WWOX: variants seen among roughly 807,000 people sequenced by gnomAD.
WWOX encodes WW domain-containing oxidoreductase.
WWOX carries 69 observed loss-of-function variants against 46.2 expected under a neutral mutation model. The observed-to-expected ratio is 1.49, with a 90% CI of 1.23 to 1.82. The LOEUF (loss-of-function observed/expected upper bound fraction) is 1.82. Among genes scored for constraint, WWOX ranks in the 40% most tolerant of loss-of-function variants. The pLI, the probability that WWOX is intolerant of heterozygous loss-of-function variation, is 0.00. For synonymous variants in WWOX, 359 were observed against 202.6 expected, an observed-to-expected ratio of 1.77 and a Z score of -6.56; for missense variants, 919 against 542.6, an observed-to-expected ratio of 1.69 and a Z score of -6.89.
At chr16:78,729,332 A>G (rs1010882493) in intron 8 of WWOX, among the ~76,000 whole-genome samples, 18 of 149,294 alleles carry the variant, frequency 1.2e-4, no homozygotes, top group African/African-American at 4.4e-4. Context: ...GCAGAGCAAG[A>G]CCCTGCCTCA....
At chr16:78,192,021 G>A (rs1244970812) in intron 5 of WWOX, among the ~76,000 whole-genome samples, 1 of 152,100 alleles carries the variant, frequency 6.6e-6, no homozygotes, top group Admixed American at 6.5e-5. Flanking sequence ...TTCTAGGCAA[G>A]TTAGTTAGCC....
At chr16:78,500,183 G>C (rs746765098) in intron 8 of WWOX, among the ~76,000 whole-genome samples, 1 of 152,078 alleles carries the variant, frequency 6.6e-6, no homozygotes, top group Admixed American at 6.6e-5. Context: ...CCAGTCCTAC[G>C]GTCAATGCAG....
intron 8 of WWOX, among the ~76,000 whole-genome samples, chr16:78,930,437 C>G (rs553662923): frequency 1.2e-3 from 174 of 148,428 alleles, no homozygotes; most frequent in African/African-American, 3.9e-3. Context: ...ACCACCACAC[C>G]CAGCTAGCTA....
intron 8 of WWOX, among the ~76,000 whole-genome samples, chr16:79,037,256 G>C (rs572344099): frequency 6.6e-6 from 1 of 152,160 alleles, no homozygotes; most frequent in Non-Finnish European, 1.5e-5. Context: ...TCCTGCTCCT[G>C]ACTCTGGGGG....
At chr16:79,149,151 T>C (rs1162621553) in intron 8 of WWOX, among the ~76,000 whole-genome samples, 3 of 152,178 alleles carry the variant, frequency 2.0e-5, no homozygotes, top group Non-Finnish European at 2.9e-5. Context: ...ACCACTAAAT[T>C]TGATGCTAGC....
chr16:78,624,643 G>A (rs556532080), intron 8 of WWOX, among the ~76,000 whole-genome samples: 1 of 152,252 alleles, frequency 6.6e-6, no homozygotes, highest in Admixed American at 6.5e-5. Context: ...AAGCTGAGAT[G>A]CTGAGAAGGG....
At chr16:79,209,079 T>G (rs555993894) in intron 8 of WWOX, among the ~76,000 whole-genome samples, 2 of 152,328 alleles carry the variant, frequency 1.3e-5, no homozygotes, top group Admixed American at 1.3e-4. Context: ...TGTGATGGAA[T>G]TTAGATGGTA....
chr16:78,608,769 G>A (rs765465609), intron 8 of WWOX, among the ~76,000 whole-genome samples: 4 of 152,188 alleles, frequency 2.6e-5, no homozygotes, highest in Non-Finnish European at 4.4e-5. Context: ...TAAAGCCGGG[G>A]TCGCCTGCCC....
chr16:78,099,749 TA>T lies in WWOX; in HGVS notation c.-29del. The T allele has an allele frequency of 6.6e-7, 1 of 1,521,788 alleles. No homozygotes were observed. Among genetic ancestry groups the T allele is most frequent in the Non-Finnish European group, 8.8e-7 (1 of 1,135,148 alleles). 94.3% of individuals were successfully genotyped at this position (1,521,788 alleles called of 1,614,324 possible). On this transcript the variant is annotated 5_prime_UTR_variant, in exon 1 of 9. In the 5' UTR this introduces an upstream ATG that the reference lacks. Coordinates refer to ENST00000566780, the MANE Select transcript of WWOX (RefSeq NM_016373.4). ...AGCGAGTGGACCCGGCAGCGGGCGATAGGGGGGCCAGGTGCCTCCACAGTCA... is the reference window on the plus strand; with the variant it reads ...AGCGAGTGGACCCGGCAGCGGGCGATGGGGGGCCAGGTGCCTCCACAGTCA...
chr16:78,229,171 A>T (rs2037164678), intron 5 of WWOX, among the ~76,000 whole-genome samples: 1 of 151,948 alleles, frequency 6.6e-6, no homozygotes, highest in East Asian at 1.9e-4. Flanking sequence ...TGAATTTTCC[A>T]TTGCAAAGAT....
chr16:78,689,903 C>T (rs564855493), intron 8 of WWOX, among the ~76,000 whole-genome samples: 18 of 152,178 alleles, frequency 1.2e-4, no homozygotes, highest in Admixed American at 2.0e-4. Flanking sequence ...CTCTGTTGCC[C>T]AGGCTGCAGT....
intron 8 of WWOX, among the ~76,000 whole-genome samples, chr16:78,508,557 A>G (rs1400462639): frequency 6.6e-6 from 1 of 152,190 alleles, no homozygotes; most frequent in Admixed American, 6.5e-5. Flanking sequence ...CCCAGTCCCT[A>G]TTCTTAGGTT....
At chr16:78,395,870 G>C (rs888119616) in intron 6 of WWOX, among the ~76,000 whole-genome samples, 2 of 152,128 alleles carry the variant, frequency 1.3e-5, no homozygotes, top group African/African-American at 4.8e-5. Flanking sequence ...TAAATGCTTA[G>C]ATTCCATTTT....
At chr16:78,733,778 T>C (rs1567523477) in intron 8 of WWOX, among the ~76,000 whole-genome samples, 2 of 149,544 alleles carry the variant, frequency 1.3e-5, no homozygotes, top group African/African-American at 4.9e-5. Context: ...ATAAAATAAC[T>C]AACTAGGCTA....
At chr16:78,813,290 T>C (rs1293814145) in intron 8 of WWOX, among the ~76,000 whole-genome samples, 2 of 152,170 alleles carry the variant, frequency 1.3e-5, no homozygotes, top group Non-Finnish European at 2.9e-5. Flanking sequence ...ATTTCCTTTT[T>C]TTCCCTCCTA....
intron 8 of WWOX, among the ~76,000 whole-genome samples, chr16:78,508,159 C>G (rs1205556539): frequency 6.6e-6 from 1 of 152,014 alleles, no homozygotes; most frequent in African/African-American, 2.4e-5. Context: ...CAGGTGCCCA[C>G]CACCAAGCTT....
intron 8 of WWOX, among the ~76,000 whole-genome samples, chr16:79,136,130 C>T (rs976931677): frequency 4.6e-5 from 7 of 152,074 alleles, no homozygotes; most frequent in Non-Finnish European, 7.3e-5. Context: ...AGTCAACGTC[C>T]AACTGCCAAT....
At chr16:78,925,499 G>A (rs150659274) in intron 8 of WWOX, among the ~76,000 whole-genome samples, 128 of 152,238 alleles carry the variant, frequency 8.4e-4, no homozygotes, top group African/African-American at 2.7e-3. Flanking sequence ...AGTTCCCAGC[G>A]TCTTAACCAG....
chr16:79,049,681 C>T (rs186511506), intron 8 of WWOX, among the ~76,000 whole-genome samples: 16 of 152,048 alleles, frequency 1.1e-4, no homozygotes, highest in African/African-American at 3.9e-4. Flanking sequence ...ACTAAAAATA[C>T]AAAAATTAGC....
Sources: gnomAD v4.1 joint callset for allele counts (sites outside exome capture counted in the v4.1 genomes callset) on GRCh38, gnomAD v4.1.1 for gene constraint, MANE v1.5 for transcripts, NCBI Gene and HGNC (gene_info 2026-07-23, HGNC 2026-07-21) for gene names.